Variants in CDHR3 observed in about 807,000 individuals in gnomAD.
CDHR3 encodes the protein cadherin related family member 3, also known as cadherin-related family member 3.
In CDHR3, 79 loss-of-function variants were observed where a neutral mutation model predicts 86.6. That is an observed-to-expected ratio of 0.91 (90% CI 0.76 to 1.10). CDHR3 has a LOEUF of 1.10. CDHR3 is among the 50% of genes least tolerant of loss of function. The pLI, the probability that CDHR3 is intolerant of heterozygous loss-of-function variation, is 0.00. For synonymous variants in CDHR3, 421 were observed against 402.4 expected, an observed-to-expected ratio of 1.05 and a Z score of -0.55; for missense variants, 1,081 against 1,077.6, an observed-to-expected ratio of 1.00 and a Z score of -0.04.
At chr7:106,029,203 A>G (rs1837953038) in intron 17 of CDHR3, among the ~76,000 whole-genome samples, 2 of 151,736 alleles carry the variant, frequency 1.3e-5, no homozygotes, top group African/African-American at 4.8e-5. Flanking sequence ...CTGGTCTTGA[A>G]CTCCTGACCT....
chr7:105,964,857 G>C (rs1826614209), intron 1 of CDHR3, among the ~76,000 whole-genome samples: 2 of 152,150 alleles, frequency 1.3e-5, no homozygotes, highest in African/African-American at 4.8e-5. Flanking sequence ...GATGACCTGT[G>C]AATGTGAAGT....
intron 2 of CDHR3, among the ~76,000 whole-genome samples, chr7:105,979,061 C>T (rs983447736): frequency 1.3e-5 from 2 of 152,200 alleles, no homozygotes. Context: ...AGAAAAGTCA[C>T]CATTTGCAGA....
At chr7:106,017,582 C>CACACAG (rs1437201227) in intron 11 of CDHR3, among the ~76,000 whole-genome samples, 2 of 151,446 alleles carry the variant, frequency 1.3e-5, no homozygotes, top group South Asian at 2.1e-4. Context: ...CACACACACA[C>CACACAG]ACACACACAC....
At chr7:106,005,581 AG>A (rs1833836202) in intron 8 of CDHR3, among the ~76,000 whole-genome samples, 1 of 152,216 alleles carries the variant, frequency 6.6e-6, no homozygotes, top group Non-Finnish European at 1.5e-5. Flanking sequence ...GGTGAGTCTC[AG>A]CTCCAGATGT....
chr7:105,980,195 G>A lies in CDHR3; in HGVS notation c.250-773G>A, dbSNP rs375429503. ...TTGTTTATTTTTGGATGTGGCTTTG[G>A]GAAAATTAGAATGAAGTGATGAGTC... On this transcript the variant is annotated intron_variant, in intron 2 of 18. Transcript: ENST00000317716. Among the ~76,000 whole-genome samples the A allele has an allele frequency of 1.7e-3, 253 of 152,280 alleles. 1 individual carries two copies. The highest frequency in any genetic ancestry group is 5.9e-3 in the African/African-American group (245 of 41,562).
intron 4 of CDHR3, among the ~76,000 whole-genome samples, chr7:105,993,312 C>A (rs958733522): frequency 3.3e-5 from 5 of 152,246 alleles, no homozygotes; most frequent in African/African-American, 1.2e-4. Flanking sequence ...CATGAAGGAG[C>A]AATTGGTCAC....
intron 8 of CDHR3, among the ~76,000 whole-genome samples, chr7:106,006,309 A>C (rs1488120339): frequency 6.6e-6 from 1 of 152,098 alleles, no homozygotes; most frequent in African/African-American, 2.4e-5. Flanking sequence ...CCCAAATCTC[A>C]CGTTCTCACA....
At chr7:105,990,258 C>G (rs1164293957) in intron 4 of CDHR3, among the ~76,000 whole-genome samples, 1 of 152,206 alleles carries the variant, frequency 6.6e-6, no homozygotes, top group Non-Finnish European at 1.5e-5. Flanking sequence ...CATCGTGTCT[C>G]TTCTTAAAAA....
At chr7:105,993,776 T>C (rs531930963) in intron 4 of CDHR3, among the ~76,000 whole-genome samples, 2 of 151,650 alleles carry the variant, frequency 1.3e-5, no homozygotes, top group Admixed American at 1.3e-4. Flanking sequence ...CTTGACTCCA[T>C]TGTGGAAGAA....
Position 106,017,907 on chromosome 7 carries a change from G to C in CDHR3, c.1488G>C (p.Leu496=), listed in dbSNP as rs1430047896. The C allele has an allele frequency of 6.2e-7, 1 of 1,609,084 alleles. No individual in the cohort carries two copies. The highest frequency in any genetic ancestry group is 8.5e-7 in the Non-Finnish European group (1 of 1,177,628). ...AAGACCTCCCCCAGAGCAGCCTCCT[G>C]TACTCCATCTCCACTGGAGGGGCCA... ...TDKDLPQSSL[L]YSISTGGASL... Residue 496 remains leucine (L), a synonymous_variant, in exon 12 of 19, where the codon CTG becomes CTC. Coordinates refer to ENST00000317716, the MANE Select transcript of CDHR3 (RefSeq NM_152750.5).
At position 105,999,074 on chromosome 7, in the gene CDHR3, C is replaced by A. The variant is rs1490848921; in HGVS notation, c.714-2388C>A. On this transcript the variant is annotated intron_variant, in intron 6 of 18. Transcript: ENST00000317716. Reference sequence around the variant, plus strand: ...CTGTGAGTGTGGCCACTGGCCCAAGCTCTGGGGGTCAGGTGTTACGGGGAA... The same window carrying A: ...CTGTGAGTGTGGCCACTGGCCCAAGATCTGGGGGTCAGGTGTTACGGGGAA... Among the ~76,000 whole-genome samples the A allele has an allele frequency of 2.6e-5, 4 of 152,210 alleles. No homozygotes were observed. The East Asian group carries it at 7.7e-4, about 29-fold the overall frequency.
intron 7 of CDHR3, 48 bp downstream of exon 7, chr7:106,001,658 G>A: frequency 6.2e-7 from 1 of 1,607,458 alleles, no homozygotes; most frequent in South Asian, 1.1e-5. Flanking sequence ...ATTCAGCCAT[G>A]TGGATTGTCT....
At chr7:106,000,232 C>G (rs1414538968) in intron 6 of CDHR3, among the ~76,000 whole-genome samples, 4 of 152,242 alleles carry the variant, frequency 2.6e-5, no homozygotes, top group Non-Finnish European at 4.4e-5. Context: ...CATGATTACT[C>G]TCCTCCAGCA....
intron 1 of CDHR3, among the ~76,000 whole-genome samples, chr7:105,968,948 C>T (rs1055798956): frequency 2.0e-5 from 3 of 150,158 alleles, no homozygotes; most frequent in Admixed American, 1.3e-4. Flanking sequence ...GTTAGCCAGG[C>T]GTGGTGGCGG....
At position 106,022,415 on chromosome 7, in the gene CDHR3, C is replaced by G. The variant is rs550799681; in HGVS notation, c.2043C>G (p.Pro681=). Residue 681 remains proline, a synonymous_variant, in exon 14 of 19, where the codon CCC becomes CCG. Coordinates refer to ENST00000317716, the MANE Select transcript of CDHR3 (RefSeq NM_152750.5). The stretch of plus-strand genomic sequence containing the variant: ...TGACACTGAGTATTAAAGTCATTCC[C>G]CACCCAACCACTATCATCACCACGA... ...GTVTLSIKVI[P]HPTTIITTTP... 4.6e-5 allele frequency: 74 copies of G among 1,613,880 alleles called. No individual in the cohort carries two copies. The highest frequency in any genetic ancestry group is 6.2e-5 in the Non-Finnish European group (73 of 1,179,890).
rs1395841847 is a variant in CDHR3, at chr7:106,016,055, T to G, written c.1426+30T>G. 3 of 1,426,928 alleles carry G rather than the reference T, an allele frequency of 2.1e-6. No individual in the cohort carries two copies. In the South Asian group the frequency reaches 3.5e-5, roughly 17 times the overall value. 88.4% of individuals were successfully genotyped at this position (1,426,928 alleles called of 1,614,324 possible). A position where few individuals can be genotyped will look rare whatever the true frequency, so the allele number is the denominator to read the frequency against. Reference sequence around the variant, plus strand: ...GTAACAGATAAGACACAGACCAGAGTGCTGTCAATGGACTCCATCCAAACG... The same window carrying G: ...GTAACAGATAAGACACAGACCAGAGGGCTGTCAATGGACTCCATCCAAACG... On this transcript the variant is annotated intron_variant, in intron 11 of 18. Coordinates refer to ENST00000317716, the MANE Select transcript of CDHR3 (RefSeq NM_152750.5).
rs761083760 is a variant in CDHR3 at position 106,012,865 on chromosome 7, T to C, written c.1058T>C (p.Met353Thr). The C allele has an allele frequency of 2.5e-6, 4 of 1,601,594 alleles. No individual in the cohort carries two copies. The highest frequency in any genetic ancestry group is 3.4e-6 in the Non-Finnish European group (4 of 1,174,918). ...ATCQKFTFSI[M>T]VPERTAKGTL... ...GGATTGTGTCTTTTCACCAGCATTA[T>C]GGTGCCGGAAAGAACAGCCAAGGGG... The change falls in exon 9 of 19, where the codon ATG becomes ACG. Residue 353 changes from methionine to threonine, a missense_variant. Transcript: ENST00000317716.
At chr7:106,024,621 G>T in intron 15 of CDHR3, 59 bp downstream of exon 15, 1 of 1,515,858 alleles carries the variant, frequency 6.6e-7, no homozygotes, top group South Asian at 1.2e-5. Flanking sequence ...TGTTTCTGGT[G>T]ACATCAGGAG....
chr7:106,001,618 A>T lies in CDHR3; in HGVS notation c.862+8A>T. On this transcript the variant is annotated splice_region_variant and intron_variant, in intron 7 of 18. Coordinates refer to ENST00000317716, the MANE Select transcript of CDHR3 (RefSeq NM_152750.5). ...ATTTCATGATAAATCAGTGTAAGCC[A>T]CTCACTTCCATCCTTAAGTGCATCC... 6.2e-7 allele frequency: 1 copy of T among 1,613,600 alleles called. No homozygotes were observed. The highest frequency in any genetic ancestry group is 1.1e-5 in the South Asian group (1 of 91,058).
Sources: allele counts gnomAD v4.1 joint callset (sites outside exome capture counted in the v4.1 genomes callset), GRCh38; gene constraint gnomAD v4.1.1; transcripts MANE v1.5; gene names NCBI Gene and HGNC (gene_info 2026-07-23, HGNC 2026-07-21).